Variants in HESX1 observed in about 807,000 individuals in gnomAD.
The protein encoded by HESX1 is HESX homeobox 1.
A neutral mutation model predicts 22.5 loss-of-function variants in HESX1; 11 were observed. The ratio of observed to expected loss-of-function variants is 0.49; its 90% CI spans 0.31 to 0.81. The LOEUF is 0.81. HESX1 is among the 30% of genes least tolerant of loss of function. HESX1 has a pLI of 0.05. For synonymous variants in HESX1, 74 were observed against 76.5 expected, an observed-to-expected ratio of 0.97 and a Z score of 0.17; for missense variants, 201 against 212.6, an observed-to-expected ratio of 0.95 and a Z score of 0.34.
intron 1 of HESX1, among the ~76,000 whole-genome samples, chr3:57,224,239 C>T (rs2060630563): frequency 1.3e-5 from 2 of 152,176 alleles, no homozygotes; most frequent in African/African-American, 4.8e-5. Context: ...CCGCCTCGGC[C>T]TCCCGAAGTG....
At chr3:57,217,116 T>G (rs1285037822) in intron 1 of HESX1, among the ~76,000 whole-genome samples, 2 of 152,148 alleles carry the variant, frequency 1.3e-5, no homozygotes, top group South Asian at 4.1e-4. Context: ...GGATAAGCCA[T>G]TCCTCCAAGG....
chr3:57,217,946 C>T (rs2060592077), intron 1 of HESX1, among the ~76,000 whole-genome samples: 1 of 152,136 alleles, frequency 6.6e-6, no homozygotes, highest in Admixed American at 6.6e-5. Flanking sequence ...TGGGGATGTC[C>T]TCCTCACACA....
intron 1 of HESX1, among the ~76,000 whole-genome samples, chr3:57,218,230 A>T (rs2060594431): frequency 1.3e-5 from 2 of 151,674 alleles, no homozygotes; most frequent in Admixed American, 6.6e-5. Context: ...CCCAATAGTT[A>T]TTTTTTTCTG....
intron 1 of HESX1, among the ~76,000 whole-genome samples, chr3:57,219,524 C>T (rs1314856864): frequency 2.0e-4 from 30 of 152,020 alleles, no homozygotes; most frequent in African/African-American, 6.5e-4. Flanking sequence ...CCCACCACCA[C>T]GCCTGGCTAA....
chr3:57,220,500 G>A (rs1055432608), intron 1 of HESX1, among the ~76,000 whole-genome samples: 2 of 152,060 alleles, frequency 1.3e-5, no homozygotes, highest in East Asian at 3.9e-4. Context: ...TGCGATCTTG[G>A]CTCACCGCAA....
chr3:57,198,731 A>T, intron 2 of HESX1, 22 bp downstream of exon 2: 1 of 1,608,554 alleles, frequency 6.2e-7, no homozygotes, highest in Non-Finnish European at 8.5e-7. Context: ...TATTATCATT[A>T]TTGGGTGAAA....
At chr3:57,215,744 G>A (rs2060579543) in intron 1 of HESX1, among the ~76,000 whole-genome samples, 1 of 152,090 alleles carries the variant, frequency 6.6e-6, no homozygotes, top group Admixed American at 6.6e-5. Flanking sequence ...TCCAGCCTGG[G>A]TGACACAGTG....
intron 1 of HESX1, among the ~76,000 whole-genome samples, chr3:57,213,750 C>A (rs1026590089): frequency 2.0e-5 from 3 of 152,158 alleles, no homozygotes; most frequent in African/African-American, 7.2e-5. Flanking sequence ...CATGGTGAAA[C>A]ACTATCTCTA....
upstream of HESX1, among the ~76,000 whole-genome samples, chr3:57,200,725 A>C (rs1260748923): frequency 6.6e-6 from 1 of 152,258 alleles, no homozygotes; most frequent in African/African-American, 2.4e-5. Context: ...CAAGCAACTT[A>C]GAAGCATGAC....
At position 57,198,332 on chromosome 3, in the gene HESX1, A is replaced by T. The variant is rs530696048; in HGVS notation, c.460-37T>A. The T allele has an allele frequency of 1.2e-5, 18 of 1,556,894 alleles. No individual in the cohort carries two copies. The East Asian group carries it at 3.8e-4, about 33-fold the overall frequency. On this transcript the variant is annotated intron_variant, in intron 3 of 3. Coordinates refer to ENST00000295934, the MANE Select transcript of HESX1 (RefSeq NM_003865.3). ...GAAAAATAAAATAGGTCTCAGAAAC[A>T]TTATTTTATTATTCTTAACATTTCA...
intron 1 of HESX1, among the ~76,000 whole-genome samples, chr3:57,221,717 C>T (rs139950577): frequency 0.014 from 2,156 of 152,288 alleles, 22 homozygotes; most frequent in South Asian, 0.035. Flanking sequence ...AGCGATTCTC[C>T]TGCCTCAGCC....
intron 1 of HESX1, among the ~76,000 whole-genome samples, chr3:57,210,780 T>A (rs2060548638): frequency 6.6e-6 from 1 of 152,184 alleles, no homozygotes; most frequent in Non-Finnish European, 1.5e-5. Context: ...GAACAGGGTT[T>A]AACTATTGTT....
intron 1 of HESX1, 140 bp downstream of exon 1, chr3:57,199,622 A>G (rs1049005169): frequency 3.6e-5 from 9 of 247,762 alleles, no homozygotes; most frequent in South Asian, 1.3e-4. Flanking sequence ...TCTGTCTCAG[A>G]AAAAAAAAAA....
upstream of HESX1, among the ~76,000 whole-genome samples, chr3:57,227,122 C>G (rs2060651294): frequency 6.6e-6 from 1 of 152,108 alleles, no homozygotes; most frequent in Non-Finnish European, 1.5e-5. Flanking sequence ...AGCGTCAGTC[C>G]TGAAGGACTG....
intron 1 of HESX1, among the ~76,000 whole-genome samples, chr3:57,216,545 G>C (rs370200921): frequency 1.3e-5 from 2 of 152,176 alleles, no homozygotes; most frequent in Non-Finnish European, 2.9e-5. Context: ...CCAGGAGGTC[G>C]AGGCTGCAGT....
intron 1 of HESX1, among the ~76,000 whole-genome samples, chr3:57,220,729 C>A (rs1399138232): frequency 6.6e-6 from 1 of 152,168 alleles, no homozygotes. Flanking sequence ...CCATGCCTGG[C>A]CACCCACAAT....
At chr3:57,201,728 C>CT (rs1296371090), upstream of HESX1, among the ~76,000 whole-genome samples, 1 of 151,388 alleles carries the variant, frequency 6.6e-6, no homozygotes, top group Non-Finnish European at 1.5e-5. Flanking sequence ...AGATGAGTGC[C>CT]TAAGAGGCAC....
At position 57,219,061 on chromosome 3, in the gene HESX1, G is replaced by A. The variant is rs1268424087; in HGVS notation, c.-111+7235C>T. 2.6e-5 allele frequency among the ~76,000 whole-genome samples: 4 copies of A among 152,204 alleles called. No homozygotes were observed. The East Asian group carries it at 5.8e-4, about 22-fold the overall frequency. On this transcript the variant is annotated intron_variant, in intron 1 of 2. Coordinates refer to the HESX1 transcript ENST00000495160. Reference sequence around the variant, plus strand: ...AGTGTACAAGTGTTCCCTTTTCTCTGCAATCTCACCAGCATCTGTTATCTT... The same window carrying A: ...AGTGTACAAGTGTTCCCTTTTCTCTACAATCTCACCAGCATCTGTTATCTT...
intron 1 of HESX1, among the ~76,000 whole-genome samples, chr3:57,209,542 CA>C (rs1260347153): frequency 6.6e-6 from 1 of 151,890 alleles, no homozygotes; most frequent in Non-Finnish European, 1.5e-5. Flanking sequence ...GAGGCTGAGG[CA>C]GCAGAATTGC....
Sources: allele counts gnomAD v4.1 joint callset (sites outside exome capture counted in the v4.1 genomes callset), GRCh38; gene constraint gnomAD v4.1.1; transcripts MANE v1.5; gene names NCBI Gene and HGNC (gene_info 2026-07-23, HGNC 2026-07-21).